Variants in PPP1R42 observed in about 807,000 individuals in gnomAD.
The protein encoded by PPP1R42 is leucine rich repeat containing 67.
In PPP1R42, 34 loss-of-function variants were observed where a neutral mutation model predicts 31.0. The ratio of observed to expected loss-of-function variants is 1.10; its 90% CI spans 0.83 to 1.46. The LOEUF is 1.46. Among genes scored for constraint, PPP1R42 ranks in the 40% most tolerant of loss-of-function variants. The pLI is 0.00. For missense variants in PPP1R42, 268 were observed against 303.0 expected (o/e 0.88, Z 0.86); for synonymous variants, 103 against 109.8 (o/e 0.94, Z 0.39).
chr8:67,016,121 G>A (rs1210771422), intron 2 of PPP1R42, among the ~76,000 whole-genome samples: 3 of 152,158 alleles, frequency 2.0e-5, no homozygotes, highest in Admixed American at 2.0e-4. Context: ...AAAGGAATTC[G>A]TGGGAAGAAG....
chr8:67,000,869 C>G (rs1434853626), intron 5 of PPP1R42, among the ~76,000 whole-genome samples: 2 of 152,288 alleles, frequency 1.3e-5, no homozygotes, highest in East Asian at 3.9e-4. Context: ...TTACTATCAG[C>G]TTGTTCTATC....
chr8:67,012,410 A>G (rs1453040067), intron 4 of PPP1R42, among the ~76,000 whole-genome samples: 1 of 152,118 alleles, frequency 6.6e-6, no homozygotes, highest in African/African-American at 2.4e-5. Flanking sequence ...TGGCACCTCC[A>G]TCCAATGTGA....
chr8:66,972,049 T>A (rs756782732), intron 7 of PPP1R42, among the ~76,000 whole-genome samples: 9 of 152,226 alleles, frequency 5.9e-5, no homozygotes, highest in Non-Finnish European at 8.8e-5. Context: ...ATTTTGAAAA[T>A]ACATAATATA....
intron 5 of PPP1R42, among the ~76,000 whole-genome samples, chr8:66,996,964 C>T (rs929601866): frequency 6.6e-6 from 1 of 152,098 alleles, no homozygotes; most frequent in African/African-American, 2.4e-5. Flanking sequence ...AAAGCCTGGC[C>T]AACATGCCGA....
chr8:66,984,527 T>G (rs1585645008), intron 6 of PPP1R42: 1 of 1,263,686 alleles, frequency 7.9e-7, no homozygotes, highest in African/African-American at 1.5e-5. Context: ...TTGGCTGGGG[T>G]GCTAAATTTC....
chr8:67,015,096 A>G (rs930195597), intron 2 of PPP1R42, among the ~76,000 whole-genome samples: 37 of 152,118 alleles, frequency 2.4e-4, no homozygotes, highest in African/African-American at 8.0e-4. Context: ...TCGGCTCACC[A>G]TAACCTCCGC....
At chr8:67,003,433 A>C (rs1815571646) in intron 5 of PPP1R42, among the ~76,000 whole-genome samples, 1 of 144,116 alleles carries the variant, frequency 6.9e-6, no homozygotes, top group African/African-American at 2.6e-5. Context: ...ATCTAAAAGC[A>C]AGATTTTTGT....
chr8:67,011,615 T>C (rs1487392371), intron 4 of PPP1R42, among the ~76,000 whole-genome samples: 5 of 152,258 alleles, frequency 3.3e-5, no homozygotes, highest in Non-Finnish European at 7.3e-5. Context: ...TTTATTTTTC[T>C]CTCTACCTGT....
intron 7 of PPP1R42, among the ~76,000 whole-genome samples, chr8:66,970,305 ATTT>A (rs200683229): frequency 2.1e-3 from 301 of 144,570 alleles, no homozygotes; most frequent in Middle Eastern, 7.2e-3. Flanking sequence ...TAATTTTTGT[ATTT>A]TTTTTTTTGT....
intron 7 of PPP1R42, among the ~76,000 whole-genome samples, chr8:66,977,667 G>A (rs772120566): frequency 1.3e-5 from 2 of 151,644 alleles, no homozygotes; most frequent in African/African-American, 2.4e-5. Flanking sequence ...CACCATGCCC[G>A]GCTAATTTTT....
chr8:67,004,176 G>T (rs1426708918), intron 5 of PPP1R42, among the ~76,000 whole-genome samples: 1 of 152,016 alleles, frequency 6.6e-6, no homozygotes, highest in African/African-American at 2.4e-5. Context: ...CCTTATAAAA[G>T]GGTGATTTTG....
chr8:66,999,147 TC>T (rs1206652904), intron 5 of PPP1R42, among the ~76,000 whole-genome samples: 1 of 152,160 alleles, frequency 6.6e-6, no homozygotes, highest in Non-Finnish European at 1.5e-5. Context: ...AGCCTCGACT[TC>T]CTGGGTTCAT....
At chr8:66,974,103 A>C (rs1168112529) in intron 7 of PPP1R42, among the ~76,000 whole-genome samples, 1 of 151,580 alleles carries the variant, frequency 6.6e-6, no homozygotes, top group South Asian at 2.1e-4. Context: ...ATAAATATCC[A>C]TAAGTGGGAT....
chr8:66,981,434 C>T (rs1814832498), intron 7 of PPP1R42, among the ~76,000 whole-genome samples: 1 of 149,108 alleles, frequency 6.7e-6, no homozygotes, highest in African/African-American at 2.5e-5. Context: ...GGCTGGAGTG[C>T]AATGGCGCAA....
intron 5 of PPP1R42, among the ~76,000 whole-genome samples, chr8:67,006,815 C>T (rs561810893): frequency 9.5e-5 from 13 of 136,948 alleles, no homozygotes; most frequent in East Asian, 4.6e-4. Context: ...GGTGCGATCT[C>T]GGCTCACTGC....
chr8:67,007,348 C>G (rs1815717447), intron 5 of PPP1R42, among the ~76,000 whole-genome samples: 1 of 152,078 alleles, frequency 6.6e-6, no homozygotes, highest in Admixed American at 6.6e-5. Context: ...ATGGAAAATC[C>G]CAGAGAAAAT....
intron 7 of PPP1R42, among the ~76,000 whole-genome samples, chr8:66,980,844 CTT>C (rs879690078): frequency 6.9e-6 from 1 of 145,866 alleles, no homozygotes. Flanking sequence ...GTGGTCAGTT[CTT>C]TTTTTTTTTT....
intron 5 of PPP1R42, among the ~76,000 whole-genome samples, chr8:66,996,252 A>ATC (rs1277138342): frequency 2.0e-5 from 3 of 152,148 alleles, no homozygotes; most frequent in Non-Finnish European, 2.9e-5. Context: ...GGGTTTCACC[A>ATC]TCTTTCCCAG....
intron 7 of PPP1R42, among the ~76,000 whole-genome samples, chr8:66,973,098 T>C (rs1014225965): frequency 9.9e-5 from 15 of 152,208 alleles, no homozygotes; most frequent in Non-Finnish European, 2.1e-4. Context: ...ATGTCAGTTC[T>C]TTTTTCTTCC....
Sources: gnomAD v4.1 joint callset for allele counts (sites outside exome capture counted in the v4.1 genomes callset) on GRCh38, gnomAD v4.1.1 for gene constraint, MANE v1.5 for transcripts, NCBI Gene and HGNC (gene_info 2026-07-23, HGNC 2026-07-21) for gene names.